Variants in CGGBP1 observed in about 807,000 individuals in gnomAD.
The protein encoded by CGGBP1 is CGG triplet repeat binding protein 1.
A neutral mutation model predicts 11.4 loss-of-function variants in CGGBP1; 4 were observed. That is an observed-to-expected ratio of 0.35 (90% confidence interval 0.17 to 0.80). The LOEUF is 0.80. Among genes scored for constraint, CGGBP1 ranks in the 30% least tolerant of loss-of-function variants. CGGBP1 has a pLI of 0.52. For missense variants in CGGBP1, 135 were observed against 202.1 expected (o/e 0.67, Z 2.01); for synonymous variants, 76 against 74.1 (o/e 1.03, Z -0.13).
chr3:88,066,555 G>A (rs746890794), intron 2 of CGGBP1, among the ~76,000 whole-genome samples: 6 of 151,722 alleles, frequency 4.0e-5, no homozygotes, highest in Non-Finnish European at 7.4e-5. Flanking sequence ...GAGCGAGACT[G>A]TGTAAAACAA....
At chr3:88,114,651 TC>T (rs1705282742) in intron 2 of CGGBP1, among the ~76,000 whole-genome samples, 1 of 152,178 alleles carries the variant, frequency 6.6e-6, no homozygotes, top group Non-Finnish European at 1.5e-5. Context: ...ACTCTGAATT[TC>T]CTTGAGCCTC....
chr3:88,062,157 T>C (rs959048), upstream of CGGBP1, among the ~76,000 whole-genome samples: 119,121 of 152,054 alleles, frequency 0.78, 47,580 homozygotes, highest in South Asian at 0.91. Flanking sequence ...TAAAACTGGC[T>C]CTTAACTGAT....
chr3:88,087,898 T>C (rs891078750), intron 2 of CGGBP1, among the ~76,000 whole-genome samples: 4 of 152,158 alleles, frequency 2.6e-5, no homozygotes, highest in African/African-American at 9.7e-5. Context: ...TCTGAAATGC[T>C]CCAAAATTCG....
exon 1 of CGGBP1, chr3:88,149,865 A>T (rs1707377373): frequency 1.5e-6 from 1 of 648,082 alleles, no homozygotes. Context: ...GCCCGGAACC[A>T]CAAGTGAGGG....
chr3:88,124,458 ACTTT>A (rs1471382788), intron 2 of CGGBP1, among the ~76,000 whole-genome samples: 1 of 152,176 alleles, frequency 6.6e-6, no homozygotes, highest in African/African-American at 2.4e-5. Context: ...TTCTTCTACT[ACTTT>A]CTTCTCTCAT....
At chr3:88,107,050 T>C (rs756252538) in intron 2 of CGGBP1, among the ~76,000 whole-genome samples, 1 of 152,212 alleles carries the variant, frequency 6.6e-6, no homozygotes, top group South Asian at 2.1e-4. Flanking sequence ...ATTTCTCTTG[T>C]TTCATGTTTG....
intron 2 of CGGBP1, among the ~76,000 whole-genome samples, chr3:88,097,117 C>A (rs1255689979): frequency 1.3e-5 from 2 of 152,044 alleles, no homozygotes; most frequent in African/African-American, 4.8e-5. Flanking sequence ...TATCAACAAC[C>A]CTTTAATGAA....
At chr3:88,069,532 A>C (rs1220337343) in intron 2 of CGGBP1, among the ~76,000 whole-genome samples, 2 of 152,226 alleles carry the variant, frequency 1.3e-5, no homozygotes, top group African/African-American at 4.8e-5. Flanking sequence ...TCTTCATAGC[A>C]CTTATCGAAG....
rs1169785306 is a variant in CGGBP1, at chr3:88,067,406, G to A, written c.-228-9183C>T. Among the ~76,000 whole-genome samples the A allele has an allele frequency of 3.3e-5, 5 of 152,150 alleles. 1 individual carries two copies. The highest frequency in any genetic ancestry group is 1.2e-4 in the African/African-American group (5 of 41,404). ...AAGCCAGAGCTCAAAAGGGAGGTCC[G>A]GTTATCATAGCCGTGTGGATGGTAT... On this transcript the variant is annotated intron_variant, in intron 2 of 3. Coordinates refer to the CGGBP1 transcript ENST00000462901.
intron 2 of CGGBP1, among the ~76,000 whole-genome samples, chr3:88,131,727 G>A (rs537402403): frequency 7.2e-5 from 11 of 152,138 alleles, no homozygotes; most frequent in African/African-American, 1.7e-4. Flanking sequence ...TCTAAATAGC[G>A]TGGGTTATGA....
At chr3:88,126,493 A>C (rs1348210333) in intron 2 of CGGBP1, among the ~76,000 whole-genome samples, 1 of 152,010 alleles carries the variant, frequency 6.6e-6, no homozygotes, top group Admixed American at 6.6e-5. Flanking sequence ...CTCAGTGGTA[A>C]CACATCTACT....
intron 2 of CGGBP1, among the ~76,000 whole-genome samples, chr3:88,106,494 C>T (rs1704746299): frequency 2.0e-5 from 3 of 151,960 alleles, no homozygotes; most frequent in Admixed American, 2.0e-4. Flanking sequence ...TGTGCAGCCA[C>T]CCCCAGCTAA....
intron 2 of CGGBP1, among the ~76,000 whole-genome samples, chr3:88,080,029 C>CT (rs1018225921): frequency 1.9e-4 from 28 of 151,016 alleles, no homozygotes; most frequent in East Asian, 3.9e-4. Context: ...ACAAGTGACT[C>CT]TTTTTTTTTC....
intron 2 of CGGBP1, among the ~76,000 whole-genome samples, chr3:88,066,410 C>CA (rs1299849721): frequency 3.3e-5 from 5 of 151,618 alleles, no homozygotes; most frequent in Non-Finnish European, 7.4e-5. Context: ...CCTATCTCTA[C>CA]AAAAAAACAA....
chr3:88,128,748 G>T (rs1706270261), intron 2 of CGGBP1: 1 of 1,236,720 alleles, frequency 8.1e-7, no homozygotes, highest in Non-Finnish European at 1.1e-6. Flanking sequence ...AAGTTTCAAA[G>T]AACAAAGTTT....
intron 2 of CGGBP1, among the ~76,000 whole-genome samples, chr3:88,076,369 A>AT (rs577664673): frequency 7.2e-5 from 11 of 151,994 alleles, no homozygotes; most frequent in African/African-American, 2.4e-4. Context: ...AACATCTATA[A>AT]TTTTTTTTCC....
At chr3:88,079,693 T>C (rs9834501) in intron 2 of CGGBP1, among the ~76,000 whole-genome samples, 109,961 of 151,858 alleles carry the variant, frequency 0.72, 42,708 homozygotes, top group South Asian at 0.91. Context: ...TTTAACAGTA[T>C]GATTGTATGG....
chr3:88,108,485 A>G (rs1704882390), intron 2 of CGGBP1, among the ~76,000 whole-genome samples: 1 of 152,146 alleles, frequency 6.6e-6, no homozygotes, highest in Admixed American at 6.6e-5. Flanking sequence ...CCCATAGTCA[A>G]CCATGGTCCA....
At chr3:88,111,023 GTT>G (rs1441483909) in intron 2 of CGGBP1, among the ~76,000 whole-genome samples, 6 of 152,082 alleles carry the variant, frequency 3.9e-5, no homozygotes, top group Admixed American at 6.6e-5. Flanking sequence ...CCAAACAGCA[GTT>G]TGTAAAGTTG....
Sources: allele counts gnomAD v4.1 joint callset (sites outside exome capture counted in the v4.1 genomes callset), GRCh38; gene constraint gnomAD v4.1.1; transcripts MANE v1.5; gene names NCBI Gene and HGNC (gene_info 2026-07-23, HGNC 2026-07-21).